Variants in ANTXRL observed in about 807,000 individuals in gnomAD.
The protein encoded by ANTXRL is anthrax toxin receptor-like.
A neutral mutation model predicts 75.4 loss-of-function variants in ANTXRL; 63 were observed. The ratio of observed to expected loss-of-function variants is 0.84; its 90% CI spans 0.68 to 1.03. The LOEUF (loss-of-function observed/expected upper bound fraction) is 1.03. ANTXRL is among the 50% of genes least tolerant of loss of function. The pLI is 0.00. For missense variants in ANTXRL, 797 were observed against 789.4 expected (o/e 1.01, Z -0.12); for synonymous variants, 335 against 291.3 (o/e 1.15, Z -1.53).
chr10:46,287,168 A>G lies in ANTXRL; in HGVS notation c.-95A>G. 3 of 1,450,164 alleles carry G rather than the reference A, an allele frequency of 2.1e-6. No individual in the cohort carries two copies. The highest frequency in any genetic ancestry group is 2.7e-6 in the Non-Finnish European group (3 of 1,100,174). 89.8% of individuals were successfully genotyped at this position (1,450,164 alleles called of 1,614,324 possible). On this transcript the variant is annotated 5_prime_UTR_variant, in exon 1 of 17. In the 5' UTR this introduces an upstream ATG that the reference lacks. Coordinates refer to ENST00000620264, the MANE Select transcript of ANTXRL (RefSeq NM_001278688.3). ...GGAGGAGGGGTGTGGCCCCGGGCAT[A>G]AGGGGAGGCGGCAAAGAAGGGGCCT... is the stretch of plus-strand genomic sequence containing the variant.
intron 9 of ANTXRL, among the ~76,000 whole-genome samples, chr10:46,301,518 C>A (rs1335189182): frequency 6.6e-6 from 1 of 152,144 alleles, no homozygotes; most frequent in Non-Finnish European, 1.5e-5. Context: ...CAGCAGTCAG[C>A]GTTGAGGGCC....
At chr10:46,320,426 G>C (rs760106258) in intron 16 of ANTXRL, among the ~76,000 whole-genome samples, 1 of 152,012 alleles carries the variant, frequency 6.6e-6, no homozygotes, top group Non-Finnish European at 1.5e-5. Context: ...TTTGAGCAAG[G>C]GTTTGTTACA....
At chr10:46,306,109 A>G (rs1344897743) in intron 10 of ANTXRL, among the ~76,000 whole-genome samples, 1 of 152,164 alleles carries the variant, frequency 6.6e-6, no homozygotes, top group Non-Finnish European at 1.5e-5. Context: ...CACTGCCCAG[A>G]GCATTGGCAC....
chr10:46,297,107 C>G, intron 5 of ANTXRL, 145 bp from the exon 6 acceptor site: 1 of 678,236 alleles, frequency 1.5e-6, no homozygotes, highest in Non-Finnish European at 2.5e-6. Flanking sequence ...TTGGCAGCCT[C>G]TCCTCTGGAG....
rs567506161 is a variant in ANTXRL at position 46,316,341 on chromosome 10, C to T, written c.1410+3025C>T. ...CAGACACTGTTGCAACTACATTCCA[C>T]AAACTAATATATGCCATAACTCTAT... is the stretch of plus-strand genomic sequence containing the variant. On this transcript the variant is annotated intron_variant, in intron 16 of 16. Transcript: ENST00000620264. 8.1e-4 allele frequency among the ~76,000 whole-genome samples: 124 copies of T among 152,148 alleles called. 1 individual carries two copies. In the East Asian group the frequency reaches 0.022, roughly 27 times the overall value.
At chr10:46,307,593 G>A (rs1290068345) in intron 12 of ANTXRL, 113 bp downstream of exon 12, 1 of 1,050,932 alleles carries the variant, frequency 9.5e-7, no homozygotes, top group Admixed American at 2.0e-5. Context: ...AGTAGCGTGT[G>A]CAGCAGGCAC....
intron 16 of ANTXRL, among the ~76,000 whole-genome samples, chr10:46,316,085 T>A (rs1296450507): frequency 6.6e-6 from 1 of 152,122 alleles, no homozygotes; most frequent in African/African-American, 2.4e-5. Context: ...GGATACTCAT[T>A]ATGTTAATGG....
chr10:46,328,573 G>A (rs1554966901), intron 16 of ANTXRL, among the ~76,000 whole-genome samples: 1 of 151,910 alleles, frequency 6.6e-6, no homozygotes, highest in Non-Finnish European at 1.5e-5. Context: ...ATGTTGCTCA[G>A]CAAGGGAGAC....
At chr10:46,309,846 G>A (rs1222446468) in intron 13 of ANTXRL, among the ~76,000 whole-genome samples, 1 of 152,180 alleles carries the variant, frequency 6.6e-6, no homozygotes, top group Admixed American at 6.5e-5. Flanking sequence ...CACAGGAGTG[G>A]GAAGGGCTCC....
At chr10:46,300,675 A>T (rs1554960294) in intron 9 of ANTXRL, among the ~76,000 whole-genome samples, 3 of 152,104 alleles carry the variant, frequency 2.0e-5, no homozygotes, top group Non-Finnish European at 4.4e-5. Context: ...CCTGTCCTTC[A>T]CAGCCCTGTT....
intron 3 of ANTXRL, among the ~76,000 whole-genome samples, chr10:46,295,074 C>T (rs1554958149): frequency 1.3e-5 from 2 of 152,190 alleles, no homozygotes; most frequent in African/African-American, 2.4e-5. Flanking sequence ...GGCCAGTCCG[C>T]AGATCAGTGT....
chr10:46,294,129 C>T, intron 3 of ANTXRL: 3 of 555,100 alleles, frequency 5.4e-6, no homozygotes, highest in Non-Finnish European at 9.6e-6. Flanking sequence ...AGTTCTCAGC[C>T]TCCCCCACTT....
chr10:46,329,488 T>A (rs1392931691), intron 16 of ANTXRL, 111 bp from the exon 17 acceptor site: 7 of 1,379,516 alleles, frequency 5.1e-6, no homozygotes, highest in Non-Finnish European at 4.8e-6. Context: ...AGGCCCACCC[T>A]GTGGGTCCCG....
At chr10:46,326,757 A>T (rs1935722477) in intron 16 of ANTXRL, among the ~76,000 whole-genome samples, 2 of 152,036 alleles carry the variant, frequency 1.3e-5, no homozygotes, top group Admixed American at 1.3e-4. Flanking sequence ...TGTGGTCAGG[A>T]GGGCAGTGGT....
At chr10:46,308,116 G>A (rs1466494084) in intron 12 of ANTXRL, among the ~76,000 whole-genome samples, 1 of 152,146 alleles carries the variant, frequency 6.6e-6, no homozygotes, top group East Asian at 1.9e-4. Flanking sequence ...CGGGCGGGAG[G>A]CCTGAGCCCA....
chr10:46,306,171 G>C (rs1838071228), intron 10 of ANTXRL, among the ~76,000 whole-genome samples: 1 of 152,150 alleles, frequency 6.6e-6, no homozygotes, highest in South Asian at 2.1e-4. Flanking sequence ...TGCCTGGCTG[G>C]CTCCTCATCT....
intron 16 of ANTXRL, among the ~76,000 whole-genome samples, chr10:46,328,675 T>C (rs557022478): frequency 6.6e-6 from 1 of 152,054 alleles, no homozygotes; most frequent in Non-Finnish European, 1.5e-5. Flanking sequence ...ATGTGCAGGT[T>C]TGTTACATCG....
intron 16 of ANTXRL, among the ~76,000 whole-genome samples, chr10:46,321,807 A>G (rs1009113710): frequency 3.3e-5 from 5 of 152,250 alleles, no homozygotes; most frequent in Admixed American, 6.5e-5. Flanking sequence ...TAAGGTATCA[A>G]CTTATGTTTT....
chr10:46,325,119 A>G (rs1487250379), intron 16 of ANTXRL, among the ~76,000 whole-genome samples: 4 of 132,812 alleles, frequency 3.0e-5, no homozygotes, highest in African/African-American at 1.0e-4. Context: ...TTGTTTTTCT[A>G]TGTTTATTTA....
Sources: allele counts gnomAD v4.1 joint callset (sites outside exome capture counted in the v4.1 genomes callset), GRCh38; gene constraint gnomAD v4.1.1; transcripts MANE v1.5; gene names NCBI Gene and HGNC (gene_info 2026-07-23, HGNC 2026-07-21).